ENTPD2: variants seen among roughly 807,000 people sequenced by gnomAD.
The protein encoded by ENTPD2 is CD39 antigen-like 1.
A neutral mutation model predicts 46.8 loss-of-function variants in ENTPD2; 48 were observed. The observed-to-expected ratio is 1.03, with a 90% CI of 0.81 to 1.30. The LOEUF is 1.30. Among genes scored for constraint, ENTPD2 ranks in the 50% most tolerant of loss-of-function variants. The pLI, the probability that ENTPD2 is intolerant of heterozygous loss-of-function variation, is 0.00. For synonymous variants in ENTPD2, 316 were observed against 286.1 expected, an observed-to-expected ratio of 1.10 and a Z score of -1.06; for missense variants, 707 against 651.1, an observed-to-expected ratio of 1.09 and a Z score of -0.93.
chr9:137,049,920 G>T lies in ENTPD2; in HGVS notation c.1099C>A (p.Gln367Lys). The change falls in exon 7 of 9, where the codon CAG becomes AAG. Residue 367 changes from glutamine to lysine, a missense_variant. By Grantham distance (53) the Gln-to-Lys change is moderately conservative. Coordinates refer to ENST00000355097, the MANE Select transcript of ENTPD2 (RefSeq NM_203468.3). ...TTCACTGCGGCTGCCTCCAGCTGCTGCAGGGTGGCCACGGGCAGCCCCATC... is the reference window on the plus strand; with the variant it reads ...TTCACTGCGGCTGCCTCCAGCTGCTTCAGGGTGGCCACGGGCAGCCCCATC... The part of the protein sequence containing the change: ...TSMGLPVATL[Q>K]QLEAAAVNVC... The T allele has an allele frequency of 1.9e-6, 3 of 1,612,526 alleles. No individual in the cohort carries two copies. The highest frequency in any genetic ancestry group is 2.5e-6 in the Non-Finnish European group (3 of 1,179,816).
At chr9:137,051,471 G>C (rs375469453) in intron 3 of ENTPD2, 39 bp downstream of exon 3, 42 of 1,557,308 alleles carry the variant, frequency 2.7e-5, no homozygotes, top group Middle Eastern at 1.7e-4. Context: ...ACAGCCAAAG[G>C]CCATCATGGG....
chr9:137,052,443 C>CG (rs1832318175), intron 1 of ENTPD2, 95 bp from the exon 2 acceptor site: 3 of 904,860 alleles, frequency 3.3e-6, no homozygotes, highest in Admixed American at 2.6e-5. Context: ...TTTGCCACCG[C>CG]TCCCCCCCCC....
At chr9:137,049,806 A>G (rs2131510762) in intron 7 of ENTPD2, 64 bp downstream of exon 7, 1 of 1,540,024 alleles carries the variant, frequency 6.5e-7, no homozygotes, top group Non-Finnish European at 8.8e-7. Context: ...AGGGCTGGGG[A>G]GGCATGCGGA....
chr9:137,051,489 C>A (rs766463757), intron 3 of ENTPD2, 21 bp downstream of exon 3: 5 of 1,574,684 alleles, frequency 3.2e-6, no homozygotes, highest in East Asian at 4.5e-5. Flanking sequence ...GGGGACAGGG[C>A]CAGGGCACAG....
At position 137,051,371 on chromosome 9, in the gene ENTPD2, C is replaced by T. The variant is rs866913623; in HGVS notation, c.387-1G>A. 5 of 1,548,486 alleles carry T rather than the reference C, an allele frequency of 3.2e-6. No homozygotes were observed. Among genetic ancestry groups the T allele is most frequent in the Non-Finnish European group, 4.4e-6 (5 of 1,145,652 alleles). On this transcript the variant is annotated splice_acceptor_variant, in intron 3 of 8. Coordinates refer to ENST00000355097, the MANE Select transcript of ENTPD2 (RefSeq NM_203468.3). LOFTEE classifies it high-confidence loss of function. Reference sequence around the variant, plus strand: ...GGTCGAGGCCTCTGGATTGGTCAGGCTGCAAAACACAGAGAACTCCAAGAG... The same window carrying T: ...GGTCGAGGCCTCTGGATTGGTCAGGTTGCAAAACACAGAGAACTCCAAGAG...
chr9:137,048,665 T>TGCTTGGCA lies in ENTPD2; in HGVS notation c.1472_1479dup (p.Thr494CysfsTer87). The stretch of plus-strand genomic sequence containing the variant: ...GCTGCCCCCGTCGGCCCCTAAATGG[T>TGCTTGGCA]GCTTGGCAGCTTGGCGGAGTGCACC... On this transcript the variant is annotated frameshift_variant, in exon 9 of 9. Coordinates refer to ENST00000355097, the MANE Select transcript of ENTPD2 (RefSeq NM_203468.3). LOFTEE classifies it high-confidence loss of function. 1 of 1,592,402 alleles carries TGCTTGGCA rather than the reference T, an allele frequency of 6.3e-7. No homozygotes were observed. Among genetic ancestry groups the TGCTTGGCA allele is most frequent in the South Asian group, 1.1e-5 (1 of 88,318 alleles).
intron 2 of ENTPD2, 59 bp from the exon 3 acceptor site, chr9:137,051,719 G>C (rs1832302732): frequency 1.3e-6 from 2 of 1,521,486 alleles, no homozygotes; most frequent in Middle Eastern, 2.0e-4. Flanking sequence ...GTGGGCCGTA[G>C]GCCAGGAGAG....
In ENTPD2 at chr9:137,053,937, C is replaced by T; in HGVS notation, c.61G>A (p.Gly21Ser). ...PLLLAAAGLAGLLLLCVPTRD... is the reference protein window; with the variant it reads ...PLLLAAAGLASLLLLCVPTRD... ...GTGGGGACGCACAGCAGTAGGAGGC[C>T]GGCGAGGCCCGCGGCGGCCAGCAGC... is the stretch of plus-strand genomic sequence containing the variant. The change falls in exon 1 of 9, where the codon GGC (glycine) becomes AGC (serine). Residue 21 changes from glycine (G) to serine (S), a missense_variant. Coordinates refer to ENST00000355097, the MANE Select transcript of ENTPD2 (RefSeq NM_203468.3). 1 of 1,225,094 alleles carries T rather than the reference C, an allele frequency of 8.2e-7. No homozygotes were observed. Among genetic ancestry groups the T allele is most frequent in the Admixed American group, 4.3e-5 (1 of 23,408 alleles). 75.9% of individuals were successfully genotyped at this position (1,225,094 alleles called of 1,614,324 possible).
intron 1 of ENTPD2, 96 bp from the exon 2 acceptor site, chr9:137,052,444 TCC>T: frequency 3.7e-6 from 3 of 805,938 alleles, no homozygotes; most frequent in Non-Finnish European, 5.5e-6. Context: ...TTGCCACCGC[TCC>T]CCCCCCCACC....
chr9:137,049,535 T>C (rs908803815), intron 7 of ENTPD2: 10 of 434,312 alleles, frequency 2.3e-5, no homozygotes, highest in African/African-American at 2.1e-4. Flanking sequence ...GAGTCTCCGG[T>C]GGGCACACTC....
chr9:137,049,585 C>A, intron 7 of ENTPD2: 2 of 466,586 alleles, frequency 4.3e-6, no homozygotes, highest in Non-Finnish European at 7.7e-6. Context: ...TTGTGTGGTA[C>A]CATGGAGGGA....
rs1832281837 is a variant in ENTPD2 at position 137,051,070 on chromosome 9, C to CA, written c.605dup (p.Ala205CysfsTer8). The stretch of plus-strand genomic sequence containing the variant: ...AAGTGATCTGGGTAGAGGCACCCCC[C>CA]AGGTCCATGGCCCCCAGTGTCCCCT... On this transcript the variant is annotated frameshift_variant, in exon 5 of 9. Coordinates refer to ENST00000355097, the MANE Select transcript of ENTPD2 (RefSeq NM_203468.3). LOFTEE classifies it high-confidence loss of function. The CA allele has an allele frequency of 6.2e-7, 1 of 1,612,892 alleles. No homozygotes were observed. Among genetic ancestry groups the CA allele is most frequent in the Non-Finnish European group, 8.5e-7 (1 of 1,180,012 alleles).
rs377411787 is a variant in ENTPD2 at position 137,049,933 on chromosome 9, G to A, written c.1086C>T (p.Pro362=). Residue 362 remains proline, a synonymous_variant, in exon 7 of 9, where the codon CCC becomes CCT. Coordinates refer to ENST00000355097, the MANE Select transcript of ENTPD2 (RefSeq NM_203468.3). ...CCTCCAGCTGCTGCAGGGTGGCCAC[G>A]GGCAGCCCCATCGAAGTCCGCAAAA... ...VDFLRTSMGL[P]VATLQQLEAA... is the part of the protein sequence containing the mutation. The A allele has an allele frequency of 1.1e-4, 180 of 1,612,420 alleles. No homozygotes were observed. The highest frequency in any genetic ancestry group is 1.8e-4 in the Admixed American group (11 of 59,982).
At chr9:137,053,855 C>T (rs1832349366) in intron 1 of ENTPD2, 26 bp downstream of exon 1, 4 of 1,210,512 alleles carry the variant, frequency 3.3e-6, no homozygotes, top group Admixed American at 8.6e-5. Context: ...GCTCCCCAGA[C>T]GTGCGCTGGG....
In ENTPD2 at chr9:137,048,515, G is replaced by C. The variant is rs1461794030; in HGVS notation, c.*142C>G. Reference sequence around the variant, plus strand: ...TGGGTGGAGGAATGCAGGATACAGGGGCGGGGAGAGAGGTTGGGAGAGGGG... The same window carrying C: ...TGGGTGGAGGAATGCAGGATACAGGCGCGGGGAGAGAGGTTGGGAGAGGGG... On this transcript the variant is annotated 3_prime_UTR_variant, in exon 9 of 9. Coordinates refer to ENST00000355097, the MANE Select transcript of ENTPD2 (RefSeq NM_203468.3). The C allele has an allele frequency of 1.6e-6, 1 of 620,148 alleles. No individual in the cohort carries two copies. The highest frequency in any genetic ancestry group is 3.1e-5 in the East Asian group (1 of 32,430). The allele number at this position is 620,148 out of a possible 1,614,324, so 38.4% of individuals were successfully genotyped here. A position where few individuals can be genotyped will look rare whatever the true frequency, so the allele number is the denominator to read the frequency against.
In ENTPD2 at chr9:137,050,539, C is replaced by G; in HGVS notation, c.775-1G>C. 6.2e-7 allele frequency: 1 copy of G among 1,610,852 alleles called. No homozygotes were observed. The highest frequency in any genetic ancestry group is 8.5e-7 in the Non-Finnish European group (1 of 1,178,588). On this transcript the variant is annotated splice_acceptor_variant, in intron 5 of 8. Coordinates refer to ENST00000355097, the MANE Select transcript of ENTPD2 (RefSeq NM_203468.3). LOFTEE classifies it high-confidence loss of function. ...GCCAGCAGGGGTGGAAGCCGTGGGT[C>G]TGGGGGAATCACCAGCGTGACAGGG...
intron 2 of ENTPD2, among the ~76,000 whole-genome samples, 195 bp from the exon 3 acceptor site, chr9:137,051,855 C>T (rs1410075259): frequency 1.3e-5 from 2 of 152,232 alleles, no homozygotes; most frequent in Admixed American, 1.3e-4. Flanking sequence ...AGGCTGCTGC[C>T]TGCTGAGAGG....
chr9:137,052,704 G>A (rs1212122937), intron 1 of ENTPD2: 1 of 165,780 alleles, frequency 6.0e-6, no homozygotes, highest in African/African-American at 2.4e-5. Context: ...GGCTCAGGGA[G>A]AGGAAGCTCC....
chr9:137,048,892 G>A, intron 8 of ENTPD2, 32 bp from the exon 9 acceptor site: 2 of 1,504,418 alleles, frequency 1.3e-6, no homozygotes, highest in South Asian at 2.6e-5. Flanking sequence ...CAGCTCCCGA[G>A]AGGCCCCGCC....
Sources: gnomAD v4.1 joint callset for allele counts (sites outside exome capture counted in the v4.1 genomes callset) on GRCh38, gnomAD v4.1.1 for gene constraint, MANE v1.5 for transcripts, NCBI Gene and HGNC (gene_info 2026-07-23, HGNC 2026-07-21) for gene names.